EXPH5: variants seen among roughly 807,000 people sequenced by gnomAD.
The protein encoded by EXPH5 is exophilin 5.
In EXPH5, 42 loss-of-function variants were observed where a neutral mutation model predicts 41.1. That is an observed-to-expected ratio of 1.02 (90% CI 0.80 to 1.32). EXPH5 has a LOEUF of 1.32. Ranked by LOEUF, EXPH5 falls within the 40% of genes most tolerant of loss-of-function variation. The pLI is 0.00. For synonymous variants in EXPH5, 798 were observed against 833.5 expected (o/e 0.96, Z 0.73); for missense variants, 2,298 against 2,314.5 (o/e 0.99, Z 0.15).
In EXPH5 at chr11:108,593,732, A is replaced by G. The variant is rs1248908090; in HGVS notation, c.-196T>C. On this transcript the variant is annotated 5_prime_UTR_variant, in exon 1 of 6. An upstream start codon of the reference 5' UTR is lost. Coordinates refer to ENST00000265843, the MANE Select transcript of EXPH5 (RefSeq NM_015065.3). ...CTCATATTGACAATACCTTAATGAC[A>G]TGTTTCTCTCAACCTGTCCAACCGA... 7 of 1,537,090 alleles carry G rather than the reference A, an allele frequency of 4.6e-6. No homozygotes were observed. Among genetic ancestry groups the G allele is most frequent in the Non-Finnish European group, 6.1e-6 (7 of 1,147,084 alleles).
Position 108,511,240 on chromosome 11 carries a change from C to A in EXPH5, c.4267G>T (p.Gly1423Cys). The part of the protein sequence containing the change: ...CQQSINSSNS[G>C]PSSLPALSEV... ...GAAAGAGCTGGAAGACTAGAGGGAC[C>A]ACTGTTACTTGAATTAATGGATTGT... The change falls in exon 6 of 6, where the codon GGT becomes TGT. Residue 1423 changes from glycine (G) to cysteine (C), a missense_variant. Physicochemically the swap from Gly to Cys is radical, Grantham distance 159. Transcript: ENST00000265843. The A allele has an allele frequency of 6.2e-7, 1 of 1,607,646 alleles. No homozygotes were observed. The highest frequency in any genetic ancestry group is 8.5e-7 in the Non-Finnish European group (1 of 1,178,608).
chr11:108,510,062 G>C lies in EXPH5; in HGVS notation c.5445C>G (p.Val1815=). 6.2e-7 allele frequency: 1 copy of C among 1,611,590 alleles called. No homozygotes were observed. The highest frequency in any genetic ancestry group is 8.5e-7 in the Non-Finnish European group (1 of 1,179,178). The change falls in exon 6 of 6, where the codon GTC becomes GTG. Residue 1815 remains valine, a synonymous_variant. Transcript: ENST00000265843. The stretch of plus-strand genomic sequence containing the variant: ...TGCTTTCAGAAAAATGGCGCTCCCT[G>C]ACTTTTGGAGGATGGCTTTTTCGTA... The part of the protein sequence containing the change: ...DLLRKSHPPK[V]RERHFSESTS...
Position 108,514,710 on chromosome 11 carries a change from G to GT in EXPH5, c.796dup (p.Thr266AsnfsTer8). On this transcript the variant is annotated frameshift_variant, in exon 6 of 6. Coordinates refer to ENST00000265843, the MANE Select transcript of EXPH5 (RefSeq NM_015065.3). LOFTEE classifies it low-confidence loss of function (END_TRUNC). The stretch of plus-strand genomic sequence containing the variant: ...GATGTCATAGATAGACATATTGGAA[G>GT]TTTCATTATAGTGTTTTTTGTGCCT... 1 of 1,607,108 alleles carries GT rather than the reference G, an allele frequency of 6.2e-7. No homozygotes were observed. The highest frequency in any genetic ancestry group is 2.2e-5 in the East Asian group (1 of 44,844).
Position 108,518,313 on chromosome 11 carries a change from T to A in EXPH5, c.553A>T (p.Lys185Ter). The A allele has an allele frequency of 6.2e-7, 1 of 1,614,020 alleles. No individual in the cohort carries two copies. Among genetic ancestry groups the A allele is most frequent in the Non-Finnish European group, 8.5e-7 (1 of 1,179,930 alleles). ...CTCTCCTCCCTCATGACTGCTGGCT[T>A]TGGGACAAATGTACTGTCAACTAGA... ...NHLVDSTFVPKPAVMREESGM... is the reference protein window; with the variant it reads ...NHLVDSTFVP Residue 185 changes from lysine (K) to a stop codon, truncating the protein, a stop_gained, in exon 5 of 6, where the codon AAG (lysine) becomes TAG (stop). Coordinates refer to ENST00000265843, the MANE Select transcript of EXPH5 (RefSeq NM_015065.3). LOFTEE classifies it high-confidence loss of function.
At chr11:108,541,895 T>G (rs78654128) in intron 1 of EXPH5, 83 bp from the exon 2 acceptor site, 1 of 1,133,614 alleles carries the variant, frequency 8.8e-7, no homozygotes, top group Non-Finnish European at 1.2e-6. Context: ...ACTTTTTTTT[T>G]GATATGGGGG....
In EXPH5 at chr11:108,510,925, G is replaced by A; in HGVS notation, c.4582C>T (p.Pro1528Ser). 6.2e-7 allele frequency: 1 copy of A among 1,614,116 alleles called. No homozygotes were observed. The highest frequency in any genetic ancestry group is 8.5e-7 in the Non-Finnish European group (1 of 1,180,004). ...QLGEETQSDE[P>S]NLESLQSEPR... ...TCAGACTGCAGACTCTCTAAGTTTG[G>A]TTCATCTGACTGAGTCTCCTCACCA... Residue 1528 changes from proline (P) to serine (S), a missense_variant, in exon 6 of 6, where the codon CCA becomes TCA. Transcript: ENST00000265843.
intron 3 of EXPH5, among the ~76,000 whole-genome samples, chr11:108,536,755 T>G (rs2093882698): frequency 6.6e-6 from 1 of 152,216 alleles, no homozygotes; most frequent in Non-Finnish European, 1.5e-5. Context: ...CCAGTGCATT[T>G]CTCAGTTAGA....
chr11:108,534,700 C>T (rs2093867711), intron 3 of EXPH5, among the ~76,000 whole-genome samples: 1 of 152,210 alleles, frequency 6.6e-6, no homozygotes, highest in Non-Finnish European at 1.5e-5. Context: ...CATCATGTGT[C>T]ACCATAGTAC....
rs2093641451 is a variant in EXPH5, at chr11:108,505,805, G to C, written c.*3732C>G. 6.6e-6 allele frequency: 1 copy of C among 152,262 alleles called. No homozygotes were observed. The highest frequency in any genetic ancestry group is 1.9e-4 in the East Asian group (1 of 5,180). 9.4% of individuals were successfully genotyped at this position (152,262 alleles called of 1,614,324 possible). On this transcript the variant is annotated 3_prime_UTR_variant, in exon 6 of 6. Transcript: ENST00000265843. ...TATGGGGCTATGAGTTTTACAGTTT[G>C]ATTCCCATCTTTGCCATAACCTAAA...
intron 1 of EXPH5, among the ~76,000 whole-genome samples, chr11:108,589,565 A>T (rs1244377259): frequency 6.6e-6 from 1 of 152,224 alleles, no homozygotes; most frequent in Non-Finnish European, 1.5e-5. Flanking sequence ...CATGCCATTT[A>T]AAAACTTGAT....
chr11:108,587,936 A>G (rs775553553), intron 1 of EXPH5, among the ~76,000 whole-genome samples: 1 of 152,132 alleles, frequency 6.6e-6, no homozygotes, highest in Non-Finnish European at 1.5e-5. Flanking sequence ...TATTTTTAGT[A>G]GAGATGGGGT....
intron 1 of EXPH5, among the ~76,000 whole-genome samples, chr11:108,574,130 C>T (rs1375584238): frequency 4.6e-5 from 7 of 151,252 alleles, no homozygotes; most frequent in African/African-American, 1.2e-4. Context: ...AGGATGGTCT[C>T]GATCTCCTGA....
chr11:108,606,498 G>T, the EXPH5 span, among the ~76,000 whole-genome samples: 27 of 151,992 alleles, frequency 1.8e-4, no homozygotes, highest in Admixed American at 3.9e-4. Flanking sequence ...CTAGTAACCA[G>T]CCCCACACAA....
intron 2 of EXPH5, among the ~76,000 whole-genome samples, chr11:108,540,655 G>T (rs887087215): frequency 6.6e-6 from 1 of 152,052 alleles, no homozygotes; most frequent in Non-Finnish European, 1.5e-5. Context: ...GTGCACTTTG[G>T]TTATCTTCTC....
intron 1 of EXPH5, among the ~76,000 whole-genome samples, chr11:108,583,436 G>A (rs548172440): frequency 5.3e-5 from 8 of 151,842 alleles, no homozygotes; most frequent in East Asian, 1.9e-4. Flanking sequence ...AAAGCCACAT[G>A]GTCATAGAAG....
At chr11:108,523,899 T>C (rs2135967483) in intron 4 of EXPH5, among the ~76,000 whole-genome samples, 1 of 152,266 alleles carries the variant, frequency 6.6e-6, no homozygotes, top group Non-Finnish European at 1.5e-5. Flanking sequence ...TTATATAAGA[T>C]TACTAGTATA....
At position 108,593,440 on chromosome 11, in the gene EXPH5, T is replaced by G; in HGVS notation, c.97A>C (p.Arg33=). 6.2e-7 allele frequency: 1 copy of G among 1,614,062 alleles called. No homozygotes were observed. Among genetic ancestry groups the G allele is most frequent in the Admixed American group, 1.7e-5 (1 of 60,030 alleles). Residue 33 remains arginine, a synonymous_variant, in exon 1 of 6, where the codon AGG becomes CGG. Coordinates refer to ENST00000265843, the MANE Select transcript of EXPH5 (RefSeq NM_015065.3). The part of the protein sequence containing the change: ...QVLERNEELQ[R]AEKDRISKLQ... ...TACCTGATCCTGTCCTTCTCGGCCC[T>G]CTGTAACTCCTCATTCCTTTCCAGC...
At chr11:108,520,914 T>C (rs1453982383) in intron 4 of EXPH5, among the ~76,000 whole-genome samples, 1 of 152,196 alleles carries the variant, frequency 6.6e-6, no homozygotes, top group Non-Finnish European at 1.5e-5. Context: ...CTTTATTTCA[T>C]AAAATCTAAT....
chr11:108,603,325 T>C, the EXPH5 span, among the ~76,000 whole-genome samples: 1 of 152,170 alleles, frequency 6.6e-6, no homozygotes, highest in African/African-American at 2.4e-5. Context: ...TAAATGCCAT[T>C]GGATTGTTCA....
Sources: allele counts gnomAD v4.1 joint callset (sites outside exome capture counted in the v4.1 genomes callset), GRCh38; gene constraint gnomAD v4.1.1; transcripts MANE v1.5; gene names NCBI Gene and HGNC (gene_info 2026-07-23, HGNC 2026-07-21).